The following LEF1 variants were observed in gnomAD, a reference collection of about 807,000 sequenced individuals.
LEF1 encodes lymphoid enhancer binding factor 1, also known as lymphoid enhancer-binding factor 1.
A neutral mutation model predicts 51.2 loss-of-function variants in LEF1; 14 were observed. The ratio of observed to expected loss-of-function variants is 0.27; its 90% CI spans 0.18 to 0.43. LEF1 has a LOEUF of 0.43. Ranked by LOEUF, LEF1 falls within the 20% of genes least tolerant of loss-of-function variation. The probability of loss-of-function intolerance (pLI) is 1.00; values close to 1 mark genes in which losing one functional copy is unlikely to be tolerated. For synonymous variants in LEF1, 185 were observed against 183.2 expected, an observed-to-expected ratio of 1.01 and a Z score of -0.08; for missense variants, 386 against 512.0, an observed-to-expected ratio of 0.75 and a Z score of 2.37.
chr4:108,091,054 G>A (rs1169267212), intron 3 of LEF1, among the ~76,000 whole-genome samples: 3 of 152,078 alleles, frequency 2.0e-5, no homozygotes. Flanking sequence ...GTTCAGACAT[G>A]TCTTCATCAT....
intron 3 of LEF1, among the ~76,000 whole-genome samples, chr4:108,092,917 TAAAAAAAAAAAAAAAA>T (rs71592104): frequency 3.9e-4 from 12 of 31,142 alleles, no homozygotes; most frequent in African/African-American, 9.8e-4. Context: ...AATGAATATG[TAAAAAAAAAAAAAAAA>T]AAAAAAAAAA....
chr4:108,149,197 C>T (rs894077945), intron 3 of LEF1, among the ~76,000 whole-genome samples: 17 of 152,098 alleles, frequency 1.1e-4, no homozygotes, highest in Non-Finnish European at 1.0e-4. Flanking sequence ...CGGTGGCTCA[C>T]GCCTGTAATC....
At chr4:108,161,757 T>A (rs1395790366) in intron 3 of LEF1, among the ~76,000 whole-genome samples, 1 of 152,194 alleles carries the variant, frequency 6.6e-6, no homozygotes, top group Non-Finnish European at 1.5e-5. Context: ...GTAGCTGATC[T>A]TTTTAAGAAA....
At chr4:108,066,977 C>T (rs563519707) in intron 9 of LEF1, among the ~76,000 whole-genome samples, 3 of 152,282 alleles carry the variant, frequency 2.0e-5, no homozygotes, top group Middle Eastern at 3.4e-3. Context: ...ATATTTCACA[C>T]GATCTCACTG....
At chr4:108,051,784 T>C (rs1737009807) in intron 11 of LEF1, among the ~76,000 whole-genome samples, 1 of 149,966 alleles carries the variant, frequency 6.7e-6, no homozygotes, top group Non-Finnish European at 1.5e-5. Flanking sequence ...CTTGACAAAA[T>C]ATCCCATCAA....
In LEF1 at chr4:108,166,587, T is replaced by C. The variant is rs1036801759; in HGVS notation, c.213+968A>G. ...CTCTGGACTAGGCTTCAAACAGCCC[T>C]CCAGCGCGGCCCTGCTCCGCGCTTT... On this transcript the variant is annotated intron_variant, in intron 1 of 11. Transcript: ENST00000265165. 5 of 1,136,872 alleles carry C rather than the reference T, an allele frequency of 4.4e-6. No individual in the cohort carries two copies. The African/African-American group carries it at 8.1e-5, about 18-fold the overall frequency. The allele number at this position is 1,136,872 out of a possible 1,614,324, so 70.4% of individuals were successfully genotyped here.
Position 108,132,185 on chromosome 4 carries a change from G to A in LEF1, c.414+31383C>T, listed in dbSNP as rs562522359. On this transcript the variant is annotated intron_variant, in intron 3 of 11. Transcript: ENST00000265165. ...ACATAATTAACTAGTCCGGCTGATA[G>A]GAGCTCTCCCTTGTTAGTATTGTAT... Among the ~76,000 whole-genome samples, 9 of 152,226 alleles carry A rather than the reference G, an allele frequency of 5.9e-5. No homozygotes were observed. The South Asian group carries it at 1.9e-3, about 32-fold the overall frequency.
intron 3 of LEF1, among the ~76,000 whole-genome samples, chr4:108,108,429 A>C (rs1741311987): frequency 1.3e-5 from 2 of 152,128 alleles, no homozygotes; most frequent in South Asian, 4.1e-4. Context: ...CCTGGTTAAG[A>C]GATGCAGCGC....
At chr4:108,113,400 G>A (rs1049624214) in intron 3 of LEF1, among the ~76,000 whole-genome samples, 5 of 152,154 alleles carry the variant, frequency 3.3e-5, no homozygotes, top group Admixed American at 1.3e-4. Flanking sequence ...CCTACTGAAC[G>A]ACTGTCTTTT....
chr4:108,103,174 A>G (rs925880109), intron 3 of LEF1, among the ~76,000 whole-genome samples: 2 of 152,252 alleles, frequency 1.3e-5, no homozygotes, highest in African/African-American at 4.8e-5. Context: ...ACGCAGCCAA[A>G]CAACAAAGCA....
chr4:108,053,733 A>T (rs1424570900), intron 11 of LEF1, among the ~76,000 whole-genome samples: 1 of 152,194 alleles, frequency 6.6e-6, no homozygotes, highest in Non-Finnish European at 1.5e-5. Flanking sequence ...CTCCTGGTGC[A>T]GGTCATGACC....
At chr4:108,070,901 C>T in intron 8 of LEF1, 131 bp from the exon 9 acceptor site, 1 of 648,256 alleles carries the variant, frequency 1.5e-6, no homozygotes, top group Non-Finnish European at 2.6e-6. Flanking sequence ...TGCAGAAGAC[C>T]AAGTGCCAAG....
At chr4:108,086,338 TCA>T (rs1739645462) in intron 4 of LEF1, among the ~76,000 whole-genome samples, 1 of 152,174 alleles carries the variant, frequency 6.6e-6, no homozygotes, top group South Asian at 2.1e-4. Context: ...GATCCTTGCG[TCA>T]GCCTCCTGAG....
intron 9 of LEF1, chr4:108,070,396 T>G: frequency 3.7e-6 from 1 of 267,414 alleles, no homozygotes; most frequent in Non-Finnish European, 6.9e-6. Flanking sequence ...TTTTTTAATG[T>G]TTCTTTTATC....
At chr4:108,077,845 T>C (rs1320169876) in intron 8 of LEF1, among the ~76,000 whole-genome samples, 1 of 152,198 alleles carries the variant, frequency 6.6e-6, no homozygotes, top group Non-Finnish European at 1.5e-5. Context: ...ATTTTCAACA[T>C]TAAAGTTTAC....
rs369151256 is a variant in LEF1, at chr4:108,083,452, A to C, written c.548-6T>G. 1.3e-4 allele frequency: 205 copies of C among 1,582,742 alleles called. 1 individual carries two copies. In the Admixed American group the frequency reaches 3.3e-3, roughly 26 times the overall value. ...TGGAGGATGTCTGGACATGCCTGTT[A>C]AACAGAACAGAGAGGTATCATTTAC... On this transcript the variant is annotated splice_polypyrimidine_tract_variant and splice_region_variant and intron_variant, in intron 4 of 11. Coordinates refer to ENST00000265165, the MANE Select transcript of LEF1 (RefSeq NM_016269.5).
At chr4:108,052,071 A>G (rs1737033356) in intron 11 of LEF1, among the ~76,000 whole-genome samples, 1 of 152,156 alleles carries the variant, frequency 6.6e-6, no homozygotes, top group Admixed American at 6.5e-5. Context: ...CCTCTGGAAG[A>G]AAGGGCCAAG....
chr4:108,109,316 G>A (rs1000070884), intron 3 of LEF1, among the ~76,000 whole-genome samples: 6 of 152,144 alleles, frequency 3.9e-5, no homozygotes, highest in African/African-American at 1.4e-4. Flanking sequence ...CTTGCTGGAG[G>A]CTGTAATCAC....
chr4:108,102,161 G>T (rs1740869107), intron 3 of LEF1, among the ~76,000 whole-genome samples: 1 of 152,106 alleles, frequency 6.6e-6, no homozygotes, highest in Non-Finnish European at 1.5e-5. Flanking sequence ...GTAGGCACTG[G>T]TTTAATGGCA....
Sources: gnomAD v4.1 joint callset for allele counts (sites outside exome capture counted in the v4.1 genomes callset) on GRCh38, gnomAD v4.1.1 for gene constraint, MANE v1.5 for transcripts, NCBI Gene and HGNC (gene_info 2026-07-23, HGNC 2026-07-21) for gene names.